Variants in PRKG1 observed in about 807,000 individuals in gnomAD.
PRKG1 encodes the protein protein kinase cGMP-dependent 1, also known as cGMP-dependent protein kinase 1.
Under a neutral mutation model 88.1 loss-of-function variants are expected in PRKG1, and 35 were observed. That is an observed-to-expected ratio of 0.40 (90% CI 0.30 to 0.53). The LOEUF (loss-of-function observed/expected upper bound fraction) is 0.53, where lower values mean the gene tolerates loss of function less well. Ranked by LOEUF, PRKG1 falls within the 20% of genes least tolerant of loss-of-function variation. PRKG1 has a pLI of 0.59. For missense variants in PRKG1, 540 were observed against 839.8 expected, an observed-to-expected ratio of 0.64 and a Z score of 4.41; for synonymous variants, 303 against 292.5, an observed-to-expected ratio of 1.04 and a Z score of -0.37.
At chr10:51,586,961 T>C (rs7908117) in intron 3 of PRKG1, among the ~76,000 whole-genome samples, 49,917 of 152,072 alleles carry the variant, frequency 0.33, 10,233 homozygotes, top group East Asian at 0.87. Context: ...AGAAATCTAG[T>C]CATTTAAGTG....
At chr10:51,759,727 C>T (rs1480507625) in intron 3 of PRKG1, among the ~76,000 whole-genome samples, 1 of 151,904 alleles carries the variant, frequency 6.6e-6, no homozygotes, top group African/African-American at 2.4e-5. Context: ...GGGAAAGGAT[C>T]CCTTGTCCTG....
At chr10:51,599,205 G>A (rs921638994) in intron 3 of PRKG1, among the ~76,000 whole-genome samples, 2 of 152,148 alleles carry the variant, frequency 1.3e-5, no homozygotes, top group African/African-American at 4.8e-5. Flanking sequence ...TTCTCCCCCA[G>A]GAAACATTTA....
chr10:51,394,408 A>G (rs1837523224), intron 2 of PRKG1, among the ~76,000 whole-genome samples: 1 of 152,190 alleles, frequency 6.6e-6, no homozygotes, highest in African/African-American at 2.4e-5. Context: ...CAAGTGTTTT[A>G]AGAGGGAAGA....
chr10:51,734,566 C>T (rs10999157), intron 3 of PRKG1, among the ~76,000 whole-genome samples: 11,643 of 152,042 alleles, frequency 0.077, 486 homozygotes, highest in East Asian at 0.091. Context: ...ATGTCCAATA[C>T]GGAGTAAATG....
At chr10:51,377,335 C>A (rs1365962667) in intron 2 of PRKG1, among the ~76,000 whole-genome samples, 1 of 152,152 alleles carries the variant, frequency 6.6e-6, no homozygotes, top group Non-Finnish European at 1.5e-5. Context: ...AGAATATCCA[C>A]CTTAGAGGCT....
At chr10:51,526,032 C>T (rs1841875549) in intron 3 of PRKG1, among the ~76,000 whole-genome samples, 1 of 152,098 alleles carries the variant, frequency 6.6e-6, no homozygotes, top group African/African-American at 2.4e-5. Flanking sequence ...GTTGGCCAGG[C>T]TGATCTCGAA....
chr10:51,184,802 A>T (rs1186891920), intron 2 of PRKG1, among the ~76,000 whole-genome samples: 2 of 152,162 alleles, frequency 1.3e-5, no homozygotes, highest in African/African-American at 2.4e-5. Flanking sequence ...TTGAACGTCA[A>T]CAAGAAAGGA....
At chr10:51,263,110 A>G (rs533178445) in intron 2 of PRKG1, among the ~76,000 whole-genome samples, 1 of 152,306 alleles carries the variant, frequency 6.6e-6, no homozygotes, top group South Asian at 2.1e-4. Context: ...CCCAGAACAC[A>G]AGCCTTTATA....
intron 2 of PRKG1, among the ~76,000 whole-genome samples, chr10:51,315,671 A>G (rs1251205883): frequency 6.6e-6 from 1 of 152,236 alleles, no homozygotes; most frequent in Non-Finnish European, 1.5e-5. Context: ...CAATAAATGG[A>G]AAAGATAATT....
At chr10:51,829,509 G>A (rs1267259681) in intron 4 of PRKG1, among the ~76,000 whole-genome samples, 1 of 152,110 alleles carries the variant, frequency 6.6e-6, no homozygotes, top group Non-Finnish European at 1.5e-5. Context: ...AGGAAAATTT[G>A]AATATGAATT....
intron 2 of PRKG1, among the ~76,000 whole-genome samples, chr10:51,308,318 A>C (rs1385522783): frequency 6.6e-6 from 1 of 152,086 alleles, no homozygotes; most frequent in South Asian, 2.1e-4. Context: ...CTGTTTCACT[A>C]TTTAGTCTCT....
At chr10:51,321,487 C>T (rs1841454155) in intron 2 of PRKG1, among the ~76,000 whole-genome samples, 1 of 151,986 alleles carries the variant, frequency 6.6e-6, no homozygotes, top group South Asian at 2.1e-4. Flanking sequence ...AAATGCTAGC[C>T]TATGTTAAGT....
At chr10:51,004,603 TC>T (rs1269225145) in intron 1 of PRKG1, among the ~76,000 whole-genome samples, 1 of 152,230 alleles carries the variant, frequency 6.6e-6, no homozygotes, top group African/African-American at 2.4e-5. Context: ...CGTGGAAGGT[TC>T]TTTTTTTTAT....
chr10:51,585,650 CA>C (rs1179101358), intron 3 of PRKG1, among the ~76,000 whole-genome samples: 1 of 151,992 alleles, frequency 6.6e-6, no homozygotes, highest in Non-Finnish European at 1.5e-5. Context: ...ATTGGTCTAC[CA>C]AAAAAGCACA....
chr10:51,963,670 A>G (rs980148658), intron 5 of PRKG1, among the ~76,000 whole-genome samples: 2 of 151,762 alleles, frequency 1.3e-5, no homozygotes, highest in South Asian at 4.2e-4. Context: ...CTGGTCTCGA[A>G]CTCCTAGCCT....
In PRKG1 at chr10:52,062,094, G is replaced by A. The variant is rs182292888; in HGVS notation, c.841-443G>A. Among the ~76,000 whole-genome samples the A allele has an allele frequency of 4.6e-5, 7 of 152,074 alleles. No individual in the cohort carries two copies. The East Asian group carries it at 1.3e-3, about 29-fold the overall frequency. On this transcript the variant is annotated intron_variant, in intron 6 of 17. Coordinates refer to ENST00000373980, the MANE Select transcript of PRKG1 (RefSeq NM_006258.4). ...GAAATAGATTTATACCTAAGAACAT[G>A]GAATAAATAATTAAAACAATATTAA... is the stretch of plus-strand genomic sequence containing the variant.
chr10:52,144,955 A>G (rs960971094), intron 8 of PRKG1, among the ~76,000 whole-genome samples: 1 of 152,218 alleles, frequency 6.6e-6, no homozygotes, highest in Admixed American at 6.5e-5. Context: ...AAAAAATAAT[A>G]GATGTATGTA....
At chr10:51,648,474 AG>A (rs1363342650) in intron 3 of PRKG1, among the ~76,000 whole-genome samples, 4 of 152,184 alleles carry the variant, frequency 2.6e-5, no homozygotes, top group Non-Finnish European at 4.4e-5. Flanking sequence ...TTAATACAGT[AG>A]TCATGATATA....
chr10:51,194,213 A>G (rs1299390639), intron 2 of PRKG1, among the ~76,000 whole-genome samples: 1 of 151,622 alleles, frequency 6.6e-6, no homozygotes, highest in Non-Finnish European at 1.5e-5. Context: ...AGTATTTAGT[A>G]TCAAGGTTCA....
Sources: gnomAD v4.1 joint callset for allele counts (sites outside exome capture counted in the v4.1 genomes callset) on GRCh38, gnomAD v4.1.1 for gene constraint, MANE v1.5 for transcripts, NCBI Gene and HGNC (gene_info 2026-07-23, HGNC 2026-07-21) for gene names.